ACBD6: variants seen among roughly 807,000 people sequenced by gnomAD.
The protein encoded by ACBD6 is acyl-CoA-binding domain-containing protein 6.
In ACBD6, 28 loss-of-function variants were observed where a neutral mutation model predicts 37.2. The observed-to-expected ratio is 0.75, with a 90% CI of 0.56 to 1.03. The LOEUF is 1.03. Ranked by LOEUF, ACBD6 falls within the 50% of genes least tolerant of loss-of-function variation. The pLI, the probability that ACBD6 is intolerant of heterozygous loss-of-function variation, is 0.00. For missense variants in ACBD6, 340 were observed against 337.4 expected, an observed-to-expected ratio of 1.01 and a Z score of -0.06; for synonymous variants, 113 against 126.8, an observed-to-expected ratio of 0.89 and a Z score of 0.73.
intron 3 of ACBD6, among the ~76,000 whole-genome samples, chr1:180,458,677 A>T (rs1478592158): frequency 1.3e-5 from 2 of 152,164 alleles, no homozygotes; most frequent in African/African-American, 2.4e-5. Flanking sequence ...AGGCATAATA[A>T]ATCCACCATA....
At chr1:180,439,991 G>A (rs1283096081) in intron 3 of ACBD6, among the ~76,000 whole-genome samples, 2 of 152,110 alleles carry the variant, frequency 1.3e-5, no homozygotes, top group African/African-American at 4.8e-5. Flanking sequence ...CTTTATGGAG[G>A]TCCAAATTTC....
intron 5 of ACBD6, among the ~76,000 whole-genome samples, chr1:180,409,800 A>T (rs1489156592): frequency 6.6e-6 from 1 of 152,198 alleles, no homozygotes; most frequent in Non-Finnish European, 1.5e-5. Context: ...CTAAGTTTCA[A>T]GTAAAACCTA....
At chr1:180,486,701 C>A (rs1472693120) in intron 3 of ACBD6, among the ~76,000 whole-genome samples, 1 of 152,100 alleles carries the variant, frequency 6.6e-6, no homozygotes, top group African/African-American at 2.4e-5. Context: ...AACTGTTTCC[C>A]CACAAAGTAC....
intron 9 of ACBD6, among the ~76,000 whole-genome samples, chr1:180,279,654 G>A (rs1322983551): frequency 6.6e-6 from 1 of 152,100 alleles, no homozygotes; most frequent in Non-Finnish European, 1.5e-5. Flanking sequence ...TCTAGAGAAA[G>A]TATATGCAAA....
At chr1:180,451,673 T>C (rs1649710909) in intron 3 of ACBD6, among the ~76,000 whole-genome samples, 1 of 152,266 alleles carries the variant, frequency 6.6e-6, no homozygotes, top group South Asian at 2.1e-4. Context: ...TAGGCAAATC[T>C]ATAGAAACAA....
At chr1:180,396,315 A>G (rs1388863129) in intron 6 of ACBD6, among the ~76,000 whole-genome samples, 1 of 152,226 alleles carries the variant, frequency 6.6e-6, no homozygotes, top group East Asian at 1.9e-4. Flanking sequence ...TGAGTATTTT[A>G]CCACAATAAA....
At chr1:180,373,461 C>T (rs946743983) in intron 6 of ACBD6, among the ~76,000 whole-genome samples, 9 of 152,166 alleles carry the variant, frequency 5.9e-5, no homozygotes, top group Non-Finnish European at 1.0e-4. Flanking sequence ...CCTAAATGCA[C>T]TTTTCCTATA....
At chr1:180,307,838 C>T (rs924402761) in intron 7 of ACBD6, among the ~76,000 whole-genome samples, 1 of 152,102 alleles carries the variant, frequency 6.6e-6, no homozygotes, top group Non-Finnish European at 1.5e-5. Context: ...GCCTGTAGTC[C>T]CAGCTATTCT....
At chr1:180,424,117 T>C (rs1196362925) in intron 4 of ACBD6, among the ~76,000 whole-genome samples, 4 of 152,182 alleles carry the variant, frequency 2.6e-5, no homozygotes, top group Non-Finnish European at 4.4e-5. Flanking sequence ...AGATTATGAT[T>C]CCTCAAACAT....
At chr1:180,363,798 G>T (rs1652934737) in intron 6 of ACBD6, among the ~76,000 whole-genome samples, 2 of 152,158 alleles carry the variant, frequency 1.3e-5, no homozygotes, top group Non-Finnish European at 2.9e-5. Context: ...AGCAGCCAGG[G>T]AAGGCTTTGT....
chr1:180,500,416 G>A (rs1651915039), intron 1 of ACBD6, among the ~76,000 whole-genome samples: 1 of 152,096 alleles, frequency 6.6e-6, no homozygotes, highest in Non-Finnish European at 1.5e-5. Flanking sequence ...ATGTTGGCGG[G>A]GCGTGGTGGC....
intron 3 of ACBD6, among the ~76,000 whole-genome samples, chr1:180,446,978 T>C (rs1649500170): frequency 6.6e-6 from 1 of 151,750 alleles, no homozygotes; most frequent in African/African-American, 2.4e-5. Flanking sequence ...GAGGGAGAGG[T>C]TGTAGTGAGC....
intron 6 of ACBD6, among the ~76,000 whole-genome samples, chr1:180,325,452 A>G (rs1292472336): frequency 6.6e-6 from 1 of 152,114 alleles, no homozygotes; most frequent in African/African-American, 2.4e-5. Context: ...TTATATTTAT[A>G]TGATAGAATT....
At chr1:180,394,711 T>C (rs1161523357) in intron 6 of ACBD6, among the ~76,000 whole-genome samples, 14 of 152,102 alleles carry the variant, frequency 9.2e-5, no homozygotes, top group Non-Finnish European at 1.5e-5. Context: ...ATAGAAAAGA[T>C]ACCAATTATT....
chr1:180,290,684 G>T (rs1649666520), intron 7 of ACBD6, among the ~76,000 whole-genome samples: 1 of 152,218 alleles, frequency 6.6e-6, no homozygotes, highest in Admixed American at 6.5e-5. Flanking sequence ...TTGGTAGTAA[G>T]ATGTAAGATG....
chr1:180,485,358 A>G (rs1651220882), intron 3 of ACBD6, among the ~76,000 whole-genome samples: 1 of 152,204 alleles, frequency 6.6e-6, no homozygotes, highest in South Asian at 2.1e-4. Flanking sequence ...GTACCTGTCA[A>G]TGAGACCTTA....
chr1:180,282,376 T>G (rs141163317), intron 8 of ACBD6, among the ~76,000 whole-genome samples: 262 of 152,164 alleles, frequency 1.7e-3, no homozygotes, highest in African/African-American at 6.0e-3. Context: ...TGGCACACAT[T>G]TGGAGTTGGA....
downstream of ACBD6, among the ~76,000 whole-genome samples, chr1:180,285,242 T>A (rs919085976): frequency 6.6e-6 from 1 of 152,148 alleles, no homozygotes; most frequent in Non-Finnish European, 1.5e-5. Context: ...TAAGAAAAAA[T>A]GCTGGCAACT....
intron 6 of ACBD6, among the ~76,000 whole-genome samples, chr1:180,333,348 T>C (rs59829460): frequency 0.15 from 22,738 of 152,210 alleles, 1,830 homozygotes; most frequent in Middle Eastern, 0.22. Context: ...ATTCAATCTG[T>C]TGTGACAACA....
Sources: allele counts gnomAD v4.1 joint callset (sites outside exome capture counted in the v4.1 genomes callset), GRCh38; gene constraint gnomAD v4.1.1; transcripts MANE v1.5; gene names NCBI Gene and HGNC (gene_info 2026-07-23, HGNC 2026-07-21).